ALOX15: variants seen among roughly 807,000 people sequenced by gnomAD.
ALOX15 encodes the protein arachidonate 15-lipoxygenase.
Under a neutral mutation model 71.7 loss-of-function variants are expected in ALOX15, and 68 were observed. The ratio of observed to expected loss-of-function variants is 0.95; its 90% CI spans 0.78 to 1.16. The LOEUF (loss-of-function observed/expected upper bound fraction) is 1.16, where lower values mean the gene tolerates loss of function less well. ALOX15 is among the 50% of genes most tolerant of loss of function. ALOX15 has a pLI of 0.00. For synonymous variants in ALOX15, 346 were observed against 333.3 expected (o/e 1.04, Z -0.42); for missense variants, 798 against 818.8 (o/e 0.97, Z 0.31).
intron 8 of ALOX15, 29 bp from the exon 9 acceptor site, chr17:4,633,529 A>C (rs757793911): frequency 7.6e-6 from 12 of 1,581,786 alleles, no homozygotes; most frequent in Non-Finnish European, 1.0e-5. Flanking sequence ...GGAAGGGCAG[A>C]GTCAGAGGAG....
intron 11 of ALOX15, among the ~76,000 whole-genome samples, 179 bp from the exon 12 acceptor site, chr17:4,632,460 TC>T (rs1281973443): frequency 6.6e-6 from 1 of 151,962 alleles, no homozygotes; most frequent in Non-Finnish European, 1.5e-5. Flanking sequence ...GCCGGGAGGG[TC>T]CCACTCAGTG....
intron 7 of ALOX15, among the ~76,000 whole-genome samples, chr17:4,636,447 C>T (rs1454270323): frequency 6.6e-6 from 1 of 152,168 alleles, no homozygotes; most frequent in Non-Finnish European, 1.5e-5. Context: ...GCTATTTCTG[C>T]AGGCAACTGG....
chr17:4,631,540 C>G lies in ALOX15; in HGVS notation c.*60G>C, dbSNP rs905495926. ...ACTTGGGAGGGCAGGGCTATAACCA[C>G]GAAGGGGTCAGCTTGTGGCTTGGGT... On this transcript the variant is annotated 3_prime_UTR_variant, in exon 14 of 14. Coordinates refer to ENST00000293761, the MANE Select transcript of ALOX15 (RefSeq NM_001140.5). 6.3e-7 allele frequency: 1 copy of G among 1,591,988 alleles called. No individual in the cohort carries two copies. The highest frequency in any genetic ancestry group is 8.5e-7 in the Non-Finnish European group (1 of 1,170,650).
chr17:4,632,124 C>G, intron 12 of ALOX15, 57 bp downstream of exon 12: 2 of 1,613,118 alleles, frequency 1.2e-6, no homozygotes, highest in Non-Finnish European at 8.5e-7. Flanking sequence ...CACCTGCACA[C>G]AGACCCCTCC....
At position 4,631,612 on chromosome 17, in the gene ALOX15, A is replaced by G. The variant is rs1567645934; in HGVS notation, c.1977T>C (p.Ser659=). The change falls in exon 14 of 14, where the codon AGT becomes AGC. Residue 659 remains serine, a synonymous_variant. Coordinates refer to ENST00000293761, the MANE Select transcript of ALOX15 (RefSeq NM_001140.5). ...EYLRPSVVEN[S]VAI is the part of the protein sequence containing the mutation. Reference sequence around the variant, plus strand: ...AGGGTGGCGACGCTTAGATGGCCACACTGTTTTCCACCACGCTGGGCCGCA... The same window carrying G: ...AGGGTGGCGACGCTTAGATGGCCACGCTGTTTTCCACCACGCTGGGCCGCA... The G allele has an allele frequency of 6.2e-7, 1 of 1,613,142 alleles. No homozygotes were observed. The highest frequency in any genetic ancestry group is 2.2e-5 in the East Asian group (1 of 44,868).
In ALOX15 at chr17:4,639,074, C is replaced by T. The variant is rs1339208242; in HGVS notation, c.396G>A (p.Leu132=). 5 of 1,614,218 alleles carry T rather than the reference C, an allele frequency of 3.1e-6. No individual in the cohort carries two copies. In the South Asian group the frequency reaches 4.4e-5, roughly 14 times the overall value. The change falls in exon 3 of 14, where the codon CTG becomes CTA. Residue 132 remains leucine, a synonymous_variant. Transcript: ENST00000293761. The part of the protein sequence containing the change: ...GLFQKHREEE[L]EERRKLYRWG... ...ACCGGTACAACTTCCTTCTCTCTTCCAGCTCTTCTTCCCGGTGTTTCTGGA... is the reference window on the plus strand; with the variant it reads ...ACCGGTACAACTTCCTTCTCTCTTCTAGCTCTTCTTCCCGGTGTTTCTGGA...
rs774750645 is a variant in ALOX15 at position 4,639,545 on chromosome 17, G to A, written c.222C>T (p.Asp74=). ...CAGAGATCCAGTTGCAGAACCAGGC[G>A]TCGTCCTTAAGGAGGTGCCGTTTGC... is the stretch of plus-strand genomic sequence containing the variant. ...KLRKRHLLKD[D]AWFCNWISVQ... Residue 74 remains aspartate (D), a synonymous_variant, in exon 2 of 14, where the codon GAC becomes GAT. Coordinates refer to ENST00000293761, the MANE Select transcript of ALOX15 (RefSeq NM_001140.5). 1.2e-6 allele frequency: 2 copies of A among 1,613,958 alleles called. No individual in the cohort carries two copies. Among genetic ancestry groups the A allele is most frequent in the South Asian group, 1.1e-5 (1 of 91,076 alleles).
chr17:4,633,459 G>C lies in ALOX15; in HGVS notation c.1203C>G (p.Val401=). The part of the protein sequence containing the change: ...PHLRYTLEIN[V]RARTGLVSDM... ...CAGAGACCAGCCCAGTCCTGGCCCG[G>C]ACGTTAATTTCCAGGGTGTATCGCA... is the stretch of plus-strand genomic sequence containing the variant. The change falls in exon 9 of 14, where the codon GTC becomes GTG. Residue 401 remains valine, a synonymous_variant. Coordinates refer to ENST00000293761, the MANE Select transcript of ALOX15 (RefSeq NM_001140.5). 1 of 1,614,182 alleles carries C rather than the reference G, an allele frequency of 6.2e-7. No homozygotes were observed. The highest frequency in any genetic ancestry group is 1.1e-5 in the South Asian group (1 of 91,082).
intron 6 of ALOX15, 102 bp from the exon 7 acceptor site, chr17:4,637,360 C>A: frequency 7.5e-7 from 1 of 1,335,192 alleles, no homozygotes; most frequent in Non-Finnish European, 1.0e-6. Context: ...TCGTCTCCAT[C>A]ATCTACTTTA....
chr17:4,639,453 A>G lies in ALOX15; in HGVS notation c.314T>C (p.Val105Ala), dbSNP rs1351542612. 1 of 1,613,398 alleles carries G rather than the reference A, an allele frequency of 6.2e-7. No homozygotes were observed. The highest frequency in any genetic ancestry group is 1.1e-5 in the South Asian group (1 of 91,064). ...PCYRWVEGNG[V>A]LSLPEGTGRT... ...ACCGGTGCCTTCAGGCAGGCTCAGG[A>G]CGCCGTTGCCCTCCACCCAGCGGTA... The change falls in exon 2 of 14, where the codon GTC (valine) becomes GCC (alanine). Residue 105 changes from valine (V) to alanine (A), a missense_variant. Transcript: ENST00000293761.
At chr17:4,637,021 A>G in intron 7 of ALOX15, 94 bp downstream of exon 7, 1 of 1,472,822 alleles carries the variant, frequency 6.8e-7, no homozygotes, top group Non-Finnish European at 9.2e-7. Context: ...GCCTTAGCCC[A>G]GTGCCTTTGC....
rs572820459 is a variant in ALOX15, at chr17:4,634,470, C to T, written c.1162-970G>A. On this transcript the variant is annotated intron_variant, in intron 8 of 13. Coordinates refer to ENST00000293761, the MANE Select transcript of ALOX15 (RefSeq NM_001140.5). The stretch of plus-strand genomic sequence containing the variant: ...GGCGTGAACCACCGTGCCTGGCCTC[C>T]TTTTCTTTTCATATTTTTTCATAGG... 7.0e-4 allele frequency among the ~76,000 whole-genome samples: 106 copies of T among 151,262 alleles called. 2 individuals are homozygous for T. Among genetic ancestry groups the T allele is most frequent in the Admixed American group, 3.8e-3 (57 of 15,160 alleles).
chr17:4,639,520 C>T lies in ALOX15; in HGVS notation c.247G>A (p.Val83Met), dbSNP rs143950319. Residue 83 changes from valine (V) to methionine (M), a missense_variant, in exon 2 of 14, where the codon GTG (valine) becomes ATG (methionine). This residue lies in a region of ALOX15 where 300 missense variants were observed against 283.1 expected (regional missense o/e 1.06). Coordinates refer to ENST00000293761, the MANE Select transcript of ALOX15 (RefSeq NM_001140.5). ...DDAWFCNWIS[V>M]QGPGAGDEVR... ...TCGTCCCCGGCTCCGGGGCCCTGCA[C>T]AGAGATCCAGTTGCAGAACCAGGCG... is the stretch of plus-strand genomic sequence containing the variant. The T allele has an allele frequency of 1.5e-4, 243 of 1,614,044 alleles. No homozygotes were observed. Among genetic ancestry groups the T allele is most frequent in the Non-Finnish European group, 1.8e-4 (217 of 1,180,048 alleles).
intron 1 of ALOX15, among the ~76,000 whole-genome samples, chr17:4,640,857 G>A (rs1911297638): frequency 6.6e-6 from 1 of 150,678 alleles, no homozygotes; most frequent in Non-Finnish European, 1.5e-5. Flanking sequence ...ACCGGGGGAG[G>A]CAGGAGGAGA....
intron 10 of ALOX15, 55 bp downstream of exon 10, chr17:4,633,091 T>C (rs2150534987): frequency 1.3e-5 from 21 of 1,608,562 alleles, no homozygotes; most frequent in Non-Finnish European, 1.8e-5. Context: ...CCTGCTCTCC[T>C]ACATGTCTTC....
At chr17:4,641,476 C>A in intron 1 of ALOX15, 41 bp downstream of exon 1, 4 of 1,597,920 alleles carry the variant, frequency 2.5e-6, no homozygotes, top group Non-Finnish European at 3.4e-6. Context: ...TGACTCGGAG[C>A]CAGGGGCGCA....
chr17:4,635,047 T>C (rs1911049747), intron 8 of ALOX15, among the ~76,000 whole-genome samples: 1 of 151,882 alleles, frequency 6.6e-6, no homozygotes, highest in Non-Finnish European at 1.5e-5. Flanking sequence ...CCACTGAGAA[T>C]GGATGTTCTA....
chr17:4,641,432 C>T (rs1355568773), intron 1 of ALOX15, 85 bp downstream of exon 1: 6 of 1,534,610 alleles, frequency 3.9e-6, no homozygotes, highest in Non-Finnish European at 5.3e-6. Flanking sequence ...CGGCCAGAGG[C>T]CAACGGGGGC....
chr17:4,640,175 T>G, intron 1 of ALOX15, among the ~76,000 whole-genome samples: 10 of 122,660 alleles, frequency 8.2e-5, no homozygotes, highest in African/African-American at 2.3e-4. Context: ...AGAGCCCAGG[T>G]GTGGGGGGTC....
Sources: allele counts gnomAD v4.1 joint callset (sites outside exome capture counted in the v4.1 genomes callset), GRCh38; gene constraint gnomAD v4.1.1; regional missense constraint gnomAD v4.1.1; transcripts MANE v1.5; gene names NCBI Gene and HGNC (gene_info 2026-07-23, HGNC 2026-07-21).